The following UBE2E3 variants were observed in gnomAD, a reference collection of about 807,000 sequenced individuals.
The protein encoded by UBE2E3 is ubiquitin-conjugating enzyme E2 E3.
In UBE2E3, 5 loss-of-function variants were observed where a neutral mutation model predicts 23.6. The ratio of observed to expected loss-of-function variants is 0.21; its 90% CI spans 0.11 to 0.44. UBE2E3 has a LOEUF of 0.44. Ranked by LOEUF, UBE2E3 falls within the 20% of genes least tolerant of loss-of-function variation. UBE2E3 has a pLI of 0.99. For missense variants in UBE2E3, 81 were observed against 249.8 expected, an observed-to-expected ratio of 0.32 and a Z score of 4.55; for synonymous variants, 78 against 87.5, an observed-to-expected ratio of 0.89 and a Z score of 0.60.
intron 3 of UBE2E3, among the ~76,000 whole-genome samples, chr2:181,036,483 C>T (rs1686288581): frequency 1.3e-5 from 2 of 152,216 alleles, no homozygotes; most frequent in African/African-American, 4.8e-5. Flanking sequence ...TCTCCCGTGT[C>T]TGTGTGGGCT....
chr2:181,011,668 T>TA (rs1420921395), intron 3 of UBE2E3, among the ~76,000 whole-genome samples: 1 of 152,226 alleles, frequency 6.6e-6, no homozygotes, highest in Non-Finnish European at 1.5e-5. Context: ...TTCTATTCTT[T>TA]AACTTCCAGC....
chr2:181,026,987 T>C (rs1312841316), intron 3 of UBE2E3, among the ~76,000 whole-genome samples: 1 of 151,972 alleles, frequency 6.6e-6, no homozygotes, highest in South Asian at 2.1e-4. Flanking sequence ...GCTAGAAATA[T>C]CTCTTCATGA....
At chr2:180,996,869 C>CA (rs1422407268) in intron 3 of UBE2E3, among the ~76,000 whole-genome samples, 5 of 151,152 alleles carry the variant, frequency 3.3e-5, no homozygotes, top group South Asian at 4.2e-4. Context: ...GTCTGATATG[C>CA]AAAAAAAAAT....
rs150367376 is a variant in UBE2E3, at chr2:181,014,810, G to A, written c.245+30717G>A. On this transcript the variant is annotated intron_variant, in intron 3 of 5. Transcript: ENST00000410062. ...GTATAATGATCAAATGGGGATAATTGGGATATCCATCATCTCAAACATTTA... is the reference window on the plus strand; with the variant it reads ...GTATAATGATCAAATGGGGATAATTAGGATATCCATCATCTCAAACATTTA... Among the ~76,000 whole-genome samples the A allele has an allele frequency of 2.0e-5, 3 of 152,124 alleles. No homozygotes were observed. In the East Asian group the frequency reaches 5.8e-4, roughly 29 times the overall value.
chr2:181,013,938 A>G (rs1027052499), intron 3 of UBE2E3, among the ~76,000 whole-genome samples: 1 of 152,188 alleles, frequency 6.6e-6, no homozygotes, highest in Non-Finnish European at 1.5e-5. Context: ...AAGGGAGAGC[A>G]AGAGCAGATG....
chr2:181,005,309 C>T (rs1195404998), intron 3 of UBE2E3, among the ~76,000 whole-genome samples: 7 of 152,164 alleles, frequency 4.6e-5, no homozygotes, highest in African/African-American at 9.7e-5. Flanking sequence ...TGTGAAATAG[C>T]GTGAATCTTG....
At chr2:180,999,594 A>AT (rs1477116145) in intron 3 of UBE2E3, among the ~76,000 whole-genome samples, 1 of 151,574 alleles carries the variant, frequency 6.6e-6, no homozygotes, top group East Asian at 1.9e-4. Flanking sequence ...TGCCATACTT[A>AT]TTTTTTGTTT....
intron 3 of UBE2E3, among the ~76,000 whole-genome samples, chr2:181,011,772 T>G (rs1029733550): frequency 1.3e-5 from 2 of 152,142 alleles, no homozygotes; most frequent in African/African-American, 4.8e-5. Flanking sequence ...TTATTTGTTG[T>G]TTTTATTTTG....
chr2:181,018,534 G>A (rs560101707), intron 3 of UBE2E3, among the ~76,000 whole-genome samples: 2 of 150,636 alleles, frequency 1.3e-5, no homozygotes, highest in African/African-American at 2.4e-5. Flanking sequence ...ACTCAGGGGA[G>A]TATAGTAGTA....
intron 3 of UBE2E3, among the ~76,000 whole-genome samples, chr2:181,010,296 C>G (rs918481891): frequency 6.6e-6 from 1 of 152,092 alleles, no homozygotes; most frequent in African/African-American, 2.4e-5. Flanking sequence ...TAATATGTTA[C>G]TATGATACTA....
intron 3 of UBE2E3, among the ~76,000 whole-genome samples, chr2:181,029,944 C>T (rs1187982064): frequency 6.7e-6 from 1 of 150,102 alleles, no homozygotes; most frequent in African/African-American, 2.5e-5. Flanking sequence ...TCAAGTGATT[C>T]CCCTTCCTCA....
intron 3 of UBE2E3, among the ~76,000 whole-genome samples, chr2:181,011,860 A>G (rs189510139): frequency 6.6e-6 from 1 of 152,134 alleles, no homozygotes; most frequent in Admixed American, 6.6e-5. Flanking sequence ...GGACTGTAAC[A>G]TTTTTTCCAG....
chr2:181,001,973 T>C (rs115611807), intron 3 of UBE2E3, among the ~76,000 whole-genome samples: 2,693 of 152,300 alleles, frequency 0.018, 80 homozygotes, highest in African/African-American at 0.061. Context: ...AATGGAAGTT[T>C]ACAAAGAAGT....
chr2:180,998,721 C>T (rs549136685), intron 3 of UBE2E3, among the ~76,000 whole-genome samples: 7 of 152,060 alleles, frequency 4.6e-5, no homozygotes, highest in Admixed American at 3.9e-4. Flanking sequence ...AATTGTGGTG[C>T]AAACAGCTGA....
At chr2:181,029,486 T>A (rs1401130) in intron 3 of UBE2E3, among the ~76,000 whole-genome samples, 58,953 of 151,868 alleles carry the variant, frequency 0.39, 12,217 homozygotes, top group African/African-American at 0.54. Flanking sequence ...TTTTCTGTAT[T>A]CAAGTATTGT....
intron 4 of UBE2E3, among the ~76,000 whole-genome samples, chr2:181,059,447 T>C (rs1687073089): frequency 6.6e-6 from 1 of 151,748 alleles, no homozygotes. Flanking sequence ...TTAATGGAAA[T>C]ATAGTAAAAT....
chr2:180,996,183 T>C (rs1164223251), intron 3 of UBE2E3, among the ~76,000 whole-genome samples: 7 of 152,194 alleles, frequency 4.6e-5, no homozygotes, highest in Non-Finnish European at 8.8e-5. Context: ...ACCTATTTGG[T>C]GTATAACAAT....
chr2:181,056,744 A>G (rs1381180410), intron 3 of UBE2E3, among the ~76,000 whole-genome samples: 1 of 151,840 alleles, frequency 6.6e-6, no homozygotes, highest in Non-Finnish European at 1.5e-5. Flanking sequence ...AAATTTTGAT[A>G]AGAAGCAGGA....
intron 3 of UBE2E3, among the ~76,000 whole-genome samples, chr2:181,022,315 A>G (rs1685730125): frequency 6.6e-6 from 1 of 151,998 alleles, no homozygotes; most frequent in Non-Finnish European, 1.5e-5. Flanking sequence ...AGAAAAATAA[A>G]CACAGTTGAT....
Sources: allele counts gnomAD v4.1 joint callset (sites outside exome capture counted in the v4.1 genomes callset), GRCh38; gene constraint gnomAD v4.1.1; transcripts MANE v1.5; gene names NCBI Gene and HGNC (gene_info 2026-07-23, HGNC 2026-07-21).